Variants in SV2C observed in about 807,000 individuals in gnomAD.
The protein encoded by SV2C is synaptic vesicle glycoprotein 2C, also known as solute carrier family 22 member B3.
Under a neutral mutation model 79.7 loss-of-function variants are expected in SV2C, and 49 were observed. That is an observed-to-expected ratio of 0.61 (90% CI 0.49 to 0.78). The LOEUF is 0.78. SV2C is among the 30% of genes least tolerant of loss of function. The pLI is 0.00. For missense variants in SV2C, 833 were observed against 912.9 expected (o/e 0.91, Z 1.13); for synonymous variants, 334 against 333.2 (o/e 1.00, Z -0.03).
chr5:76,324,092 A>C (rs1358081962), intron 12 of SV2C, among the ~76,000 whole-genome samples: 1 of 152,218 alleles, frequency 6.6e-6, no homozygotes, highest in East Asian at 1.9e-4. Flanking sequence ...AAATCTAAGT[A>C]AATATATTGT....
At chr5:75,884,073 C>T in the SV2C span, among the ~76,000 whole-genome samples, 3 of 152,022 alleles carry the variant, frequency 2.0e-5, no homozygotes, top group Admixed American at 2.0e-4. Flanking sequence ...ATTTTGGATG[C>T]TATTGAACTT....
chr5:76,056,379 C>A, the SV2C span, among the ~76,000 whole-genome samples: 2 of 152,074 alleles, frequency 1.3e-5, no homozygotes, highest in Non-Finnish European at 2.9e-5. Flanking sequence ...TGATGTGCTG[C>A]TGGATTCCAT....
intron 12 of SV2C, among the ~76,000 whole-genome samples, chr5:76,306,977 G>C (rs1288060544): frequency 6.6e-6 from 1 of 152,180 alleles, no homozygotes; most frequent in Non-Finnish European, 1.5e-5. Context: ...TACCACATTT[G>C]TAGAGGGGGA....
intron 2 of SV2C, among the ~76,000 whole-genome samples, chr5:76,173,274 T>C (rs1743387286): frequency 6.6e-6 from 1 of 150,900 alleles, no homozygotes; most frequent in African/African-American, 2.4e-5. Context: ...ATTTACATTA[T>C]TGTACTCTCC....
At chr5:75,880,023 C>T in the SV2C span, among the ~76,000 whole-genome samples, 1 of 152,174 alleles carries the variant, frequency 6.6e-6, no homozygotes, top group Non-Finnish European at 1.5e-5. Context: ...ATCTAGGGCC[C>T]TTTGAGCCAT....
At chr5:75,892,163 T>A in the SV2C span, among the ~76,000 whole-genome samples, 1 of 152,038 alleles carries the variant, frequency 6.6e-6, no homozygotes, top group Non-Finnish European at 1.5e-5. Context: ...AAGGAATCCA[T>A]TTCTTCCCTG....
chr5:75,889,546 T>C, the SV2C span, among the ~76,000 whole-genome samples: 1 of 152,142 alleles, frequency 6.6e-6, no homozygotes, highest in Non-Finnish European at 1.5e-5. Flanking sequence ...TTGTAAATAG[T>C]CCTGCAATAA....
the SV2C span, among the ~76,000 whole-genome samples, chr5:75,851,262 T>C: frequency 2.0e-5 from 3 of 152,228 alleles, no homozygotes; most frequent in East Asian, 5.8e-4. Flanking sequence ...TTTTCAATAT[T>C]AGCCACTAGC....
At chr5:76,235,771 A>G (rs1050443635) in intron 4 of SV2C, among the ~76,000 whole-genome samples, 6 of 147,784 alleles carry the variant, frequency 4.1e-5, no homozygotes, top group Non-Finnish European at 8.8e-5. Flanking sequence ...TTAAGAATCC[A>G]TATTTTTTTT....
chr5:76,247,277 C>T (rs760421031), intron 4 of SV2C, among the ~76,000 whole-genome samples: 2 of 151,998 alleles, frequency 1.3e-5, no homozygotes, highest in Non-Finnish European at 2.9e-5. Flanking sequence ...TATGACCTGC[C>T]GTGTGCAACA....
intron 3 of SV2C, among the ~76,000 whole-genome samples, chr5:76,204,686 G>C (rs1744557447): frequency 6.6e-6 from 1 of 152,268 alleles, no homozygotes; most frequent in African/African-American, 2.4e-5. Flanking sequence ...AAAATGCCAT[G>C]CTTCAAGCCA....
At chr5:76,238,142 C>T (rs1345470914) in intron 4 of SV2C, among the ~76,000 whole-genome samples, 1 of 151,764 alleles carries the variant, frequency 6.6e-6, no homozygotes, top group Non-Finnish European at 1.5e-5. Flanking sequence ...TGTTGAACTA[C>T]CTGGATCCAT....
At chr5:76,296,475 G>C (rs951129609) in intron 9 of SV2C, among the ~76,000 whole-genome samples, 1 of 152,126 alleles carries the variant, frequency 6.6e-6, no homozygotes, top group Non-Finnish European at 1.5e-5. Context: ...TTTGAAAGAC[G>C]GAAGGGTCTC....
chr5:75,891,054 C>T, the SV2C span, among the ~76,000 whole-genome samples: 1 of 152,038 alleles, frequency 6.6e-6, no homozygotes. Flanking sequence ...TGTTCTTAAC[C>T]ACACCATGTA....
At chr5:76,265,279 A>T (rs1302550701) in intron 4 of SV2C, among the ~76,000 whole-genome samples, 2 of 152,170 alleles carry the variant, frequency 1.3e-5, no homozygotes, top group Non-Finnish European at 2.9e-5. Flanking sequence ...CTCAAGCCTT[A>T]GTAATGGCGG....
chr5:75,879,025 C>T, the SV2C span, among the ~76,000 whole-genome samples: 2 of 152,082 alleles, frequency 1.3e-5, no homozygotes, highest in Non-Finnish European at 2.9e-5. Context: ...GTGGATGTGT[C>T]ACTTTTAAAC....
chr5:76,260,247 A>C (rs1261971389), intron 4 of SV2C, among the ~76,000 whole-genome samples: 1 of 152,178 alleles, frequency 6.6e-6, no homozygotes, highest in Non-Finnish European at 1.5e-5. Flanking sequence ...TCTTCTTTTG[A>C]GAAGTGTCTG....
the SV2C span, among the ~76,000 whole-genome samples, chr5:76,073,449 C>G: frequency 7.0e-6 from 1 of 142,826 alleles, no homozygotes; most frequent in Admixed American, 7.2e-5. Context: ...TGGATCCAGC[C>G]CAAATGCCCA....
chr5:76,016,391 C>T, the SV2C span, among the ~76,000 whole-genome samples: 3 of 152,052 alleles, frequency 2.0e-5, no homozygotes, highest in Middle Eastern at 3.4e-3. Context: ...TGGAGAGGGG[C>T]AGTCAACCCA....
Sources: gnomAD v4.1 joint callset for allele counts (sites outside exome capture counted in the v4.1 genomes callset) on GRCh38, gnomAD v4.1.1 for gene constraint, MANE v1.5 for transcripts, NCBI Gene and HGNC (gene_info 2026-07-23, HGNC 2026-07-21) for gene names.